ANLN: variants seen among roughly 807,000 people sequenced by gnomAD.
ANLN encodes anillin.
ANLN carries 59 observed loss-of-function variants against 135.1 expected under a neutral mutation model. The observed-to-expected ratio is 0.44, with a 90% CI of 0.35 to 0.54. ANLN has a LOEUF of 0.54. Ranked by LOEUF, ANLN falls within the 20% of genes least tolerant of loss-of-function variation. ANLN has a pLI of 0.00. For synonymous variants in ANLN, 406 were observed against 456.4 expected (o/e 0.89, Z 1.41); for missense variants, 1,182 against 1,340.0 (o/e 0.88, Z 1.84).
chr7:36,448,746 C>CT (rs1422613362), intron 22 of ANLN, among the ~76,000 whole-genome samples: 1 of 152,142 alleles, frequency 6.6e-6, no homozygotes, highest in Non-Finnish European at 1.5e-5. Context: ...TCCCCTATTA[C>CT]TGTCATTGAA....
chr7:36,433,492 G>C (rs76093004), intron 20 of ANLN, among the ~76,000 whole-genome samples: 1 of 152,084 alleles, frequency 6.6e-6, no homozygotes, highest in Non-Finnish European at 1.5e-5. Context: ...TTAACGGTTT[G>C]ATTTTAATGT....
chr7:36,446,570 G>A (rs975728268), intron 22 of ANLN, among the ~76,000 whole-genome samples: 5 of 152,180 alleles, frequency 3.3e-5, no homozygotes, highest in Non-Finnish European at 1.5e-5. Context: ...AGGAGCGAGC[G>A]AGCGAGCAAG....
chr7:36,438,471 A>G (rs1562818219), intron 20 of ANLN, among the ~76,000 whole-genome samples: 2 of 152,206 alleles, frequency 1.3e-5, no homozygotes, highest in South Asian at 4.1e-4. Context: ...TTTTGGACTC[A>G]AGTGATCCTC....
intron 20 of ANLN, among the ~76,000 whole-genome samples, chr7:36,431,635 A>G (rs963390108): frequency 1.1e-4 from 11 of 100,742 alleles, no homozygotes; most frequent in East Asian, 2.7e-4. Flanking sequence ...TATATATATT[A>G]CCATTTTATT....
chr7:36,426,880 A>T, intron 19 of ANLN, 36 bp from the exon 20 acceptor site: 1 of 1,370,896 alleles, frequency 7.3e-7, no homozygotes, highest in Non-Finnish European at 1.0e-6. Flanking sequence ...AACAAAAGTC[A>T]TTCTGAACTA....
At chr7:36,435,441 G>A (rs1481319255) in intron 20 of ANLN, among the ~76,000 whole-genome samples, 6 of 151,780 alleles carry the variant, frequency 4.0e-5, no homozygotes, top group Non-Finnish European at 5.9e-5. Context: ...GGGCTCAAGC[G>A]ATCCTCTTGC....
Position 36,424,787 on chromosome 7 carries a change from A to G in ANLN, c.2709+45A>G, listed in dbSNP as rs191229608. 1.0e-5 allele frequency: 16 copies of G among 1,555,480 alleles called. No individual in the cohort carries two copies. The African/African-American group carries it at 1.9e-4, about 19-fold the overall frequency. On this transcript the variant is annotated intron_variant, in intron 17 of 23. Transcript: ENST00000265748. ...AGTAAAAATATTTTCATCAGAAGTA[A>G]TAGATATCATCATACCAGTTTTAAT...
At chr7:36,390,235 G>T in intron 1 of ANLN, 191 bp downstream of exon 1, 1 of 858,766 alleles carries the variant, frequency 1.2e-6, no homozygotes, top group Non-Finnish European at 1.8e-6. Context: ...AGATTTTGTT[G>T]TTTCGGTCCT....
intron 1 of ANLN, among the ~76,000 whole-genome samples, chr7:36,391,869 T>G (rs28375190): frequency 0.15 from 23,175 of 152,172 alleles, 1,798 homozygotes; most frequent in Admixed American, 0.2. Context: ...ACAATCATGG[T>G]AAACTCTCTT....
In ANLN at chr7:36,407,739, T is replaced by C. The variant is rs761074277; in HGVS notation, c.879T>C (p.Ala293=). ...VNASISSSVK[A]TSPVKSTTSI... Reference sequence around the variant, plus strand: ...TAAGTGTTTTCATGTTTCAGAAAGCTACTTCTCCAGTGAAATCTACTACAT... The same window carrying C: ...TAAGTGTTTTCATGTTTCAGAAAGCCACTTCTCCAGTGAAATCTACTACAT... Residue 293 remains alanine, a synonymous_variant, in exon 5 of 24, where the codon GCT becomes GCC. Coordinates refer to ENST00000265748, the MANE Select transcript of ANLN (RefSeq NM_018685.5). 5 of 1,585,874 alleles carry C rather than the reference T, an allele frequency of 3.2e-6. No individual in the cohort carries two copies. The highest frequency in any genetic ancestry group is 2.3e-5 in the East Asian group (1 of 42,952).
intron 21 of ANLN, among the ~76,000 whole-genome samples, chr7:36,442,723 C>G (rs996205961): frequency 3.3e-5 from 5 of 152,016 alleles, no homozygotes; most frequent in African/African-American, 4.8e-5. Context: ...GCTCCATCTC[C>G]CGGGTTCACG....
intron 20 of ANLN, among the ~76,000 whole-genome samples, chr7:36,437,958 T>C (rs1163770045): frequency 2.0e-5 from 3 of 152,010 alleles, no homozygotes; most frequent in Admixed American, 6.6e-5. Context: ...TTAGTACAGA[T>C]GGGATTTCAC....
At chr7:36,405,287 C>G (rs868289076) in intron 3 of ANLN, among the ~76,000 whole-genome samples, 6 of 152,160 alleles carry the variant, frequency 3.9e-5, no homozygotes, top group Non-Finnish European at 8.8e-5. Flanking sequence ...TACAGATGTA[C>G]ACATAACAAA....
At chr7:36,407,635 C>T in intron 4 of ANLN, 99 bp from the exon 5 acceptor site, 3 of 862,820 alleles carry the variant, frequency 3.5e-6, no homozygotes, top group East Asian at 5.0e-5. Flanking sequence ...ATAAATCTTA[C>T]ATAAAGGCTA....
intron 9 of ANLN, among the ~76,000 whole-genome samples, chr7:36,418,358 G>A (rs776856278): frequency 3.9e-5 from 6 of 152,202 alleles, no homozygotes; most frequent in Non-Finnish European, 5.9e-5. Context: ...GAGTCCTGCC[G>A]TGGGGCAGGT....
intron 10 of ANLN, among the ~76,000 whole-genome samples, chr7:36,419,862 C>G (rs1275808562): frequency 6.6e-6 from 1 of 152,250 alleles, no homozygotes; most frequent in African/African-American, 2.4e-5. Context: ...GTAGTTAGCT[C>G]CAAACACATG....
chr7:36,393,032 G>GC (rs563437964), intron 1 of ANLN, among the ~76,000 whole-genome samples: 1 of 144,922 alleles, frequency 6.9e-6, no homozygotes, highest in Non-Finnish European at 1.5e-5. Context: ...TTCTTTTTTC[G>GC]TTTTTTTTTT....
intron 1 of ANLN, among the ~76,000 whole-genome samples, chr7:36,392,237 C>A (rs1055110839): frequency 6.6e-6 from 1 of 152,180 alleles, no homozygotes; most frequent in Non-Finnish European, 1.5e-5. Context: ...AATAAACATG[C>A]CACTACCATT....
At chr7:36,430,021 G>T (rs1053268721) in intron 20 of ANLN, among the ~76,000 whole-genome samples, 7 of 152,106 alleles carry the variant, frequency 4.6e-5, no homozygotes, top group African/African-American at 1.2e-4. Context: ...AACAAATTTT[G>T]TGCTTTTCTG....
Sources: gnomAD v4.1 joint callset for allele counts (sites outside exome capture counted in the v4.1 genomes callset) on GRCh38, gnomAD v4.1.1 for gene constraint, MANE v1.5 for transcripts, NCBI Gene and HGNC (gene_info 2026-07-23, HGNC 2026-07-21) for gene names.